Variants in EPHB1 observed in about 807,000 individuals in gnomAD.
The protein encoded by EPHB1 is EPH receptor B1, also known as ephrin type-B receptor 1.
A neutral mutation model predicts 94.4 loss-of-function variants in EPHB1; 30 were observed. That is an observed-to-expected ratio of 0.32 (90% CI 0.24 to 0.43). The LOEUF is 0.43. Among genes scored for constraint, EPHB1 ranks in the 20% least tolerant of loss-of-function variants. EPHB1 has a pLI of 1.00. For synonymous variants in EPHB1, 522 were observed against 489.1 expected (o/e 1.07, Z -0.89); for missense variants, 1,055 against 1,308.3 (o/e 0.81, Z 2.99).
At chr3:134,847,175 GA>G (rs142214906) in intron 1 of EPHB1, among the ~76,000 whole-genome samples, 5 of 149,128 alleles carry the variant, frequency 3.4e-5, no homozygotes, top group African/African-American at 4.9e-5. Flanking sequence ...ACACATCATG[GA>G]AAAAAAAAAC....
At position 135,185,539 on chromosome 3, in the gene EPHB1, A is replaced by G. The variant is rs145107099; in HGVS notation, c.1882+5557A>G. 3.8e-3 allele frequency among the ~76,000 whole-genome samples: 585 copies of G among 152,332 alleles called. 3 individuals carry two copies. Among genetic ancestry groups the G allele is most frequent in the African/African-American group, 0.013 (556 of 41,582 alleles). On this transcript the variant is annotated intron_variant, in intron 10 of 15. Coordinates refer to ENST00000398015, the MANE Select transcript of EPHB1 (RefSeq NM_004441.5). ...CTCTTATTGCTCTGTGAGTTAGAGC[A>G]TATATATCTGTATGCATGTATATTT...
Position 134,925,923 on chromosome 3 carries a change from C to G in EPHB1, c.123+43C>G, listed in dbSNP as rs758794651. 9 of 1,542,232 alleles carry G rather than the reference C, an allele frequency of 5.8e-6. No individual in the cohort carries two copies. The Admixed American group carries it at 1.7e-4, about 29-fold the overall frequency. ...CGTCTTTCAGTCCTGCTATGAGGTC[C>G]TGGATCCATATGATATCTAGGGGAG... On this transcript the variant is annotated intron_variant, in intron 2 of 15. Transcript: ENST00000398015.
chr3:134,893,214 A>G (rs1313670074), intron 1 of EPHB1, among the ~76,000 whole-genome samples: 1 of 152,194 alleles, frequency 6.6e-6, no homozygotes, highest in Non-Finnish European at 1.5e-5. Flanking sequence ...AGCAAATGTA[A>G]GCCTATAAAA....
chr3:135,231,880 A>G (rs114845520), intron 12 of EPHB1, among the ~76,000 whole-genome samples: 295 of 152,242 alleles, frequency 1.9e-3, no homozygotes, highest in Non-Finnish European at 3.4e-3. Context: ...CATTCTCTGT[A>G]TGTTGCATCA....
At chr3:135,131,599 G>C (rs1940420273) in intron 4 of EPHB1, among the ~76,000 whole-genome samples, 1 of 152,202 alleles carries the variant, frequency 6.6e-6, no homozygotes, top group Non-Finnish European at 1.5e-5. Context: ...GCTATGATCT[G>C]TTCTGGTTTT....
intron 4 of EPHB1, among the ~76,000 whole-genome samples, chr3:135,127,373 G>A (rs992847561): frequency 6.6e-6 from 1 of 152,138 alleles, no homozygotes; most frequent in African/African-American, 2.4e-5. Context: ...CTGAATGTGG[G>A]GTTTTCCAGG....
intron 3 of EPHB1, among the ~76,000 whole-genome samples, chr3:135,091,479 G>T (rs533280201): frequency 8.4e-4 from 128 of 152,328 alleles, no homozygotes; most frequent in African/African-American, 2.9e-3. Flanking sequence ...TGAGTGCCGG[G>T]ATTGATTAGC....
chr3:134,955,481 C>G (rs1276117269), intron 3 of EPHB1, among the ~76,000 whole-genome samples: 1 of 98,468 alleles, frequency 1.0e-5, no homozygotes, highest in Non-Finnish European at 2.0e-5. Context: ...TGTATATGTG[C>G]CACATTTTCT....
chr3:135,107,845 CCT>C (rs1230156840), intron 4 of EPHB1, among the ~76,000 whole-genome samples: 2 of 151,914 alleles, frequency 1.3e-5, no homozygotes, highest in African/African-American at 4.8e-5. Flanking sequence ...TTTCTACAGA[CCT>C]CTCTCTCTGT....
At chr3:135,211,736 G>A (rs1053273278) in intron 12 of EPHB1, among the ~76,000 whole-genome samples, 5 of 152,072 alleles carry the variant, frequency 3.3e-5, no homozygotes, top group Admixed American at 6.5e-5. Context: ...TACGCATTGT[G>A]TCATATTTCT....
At chr3:135,233,233 A>G (rs776313772) in intron 12 of EPHB1, among the ~76,000 whole-genome samples, 3 of 152,372 alleles carry the variant, frequency 2.0e-5, no homozygotes, top group African/African-American at 7.2e-5. Flanking sequence ...AAAGCAAATT[A>G]GTTACTTCCT....
chr3:134,923,023 T>C (rs780798043), intron 1 of EPHB1, among the ~76,000 whole-genome samples: 35 of 152,042 alleles, frequency 2.3e-4, no homozygotes, highest in Non-Finnish European at 2.4e-4. Flanking sequence ...GTAAATTTGG[T>C]GTGTCATGAT....
At chr3:134,865,437 C>G (rs1264555194) in intron 1 of EPHB1, among the ~76,000 whole-genome samples, 1 of 152,026 alleles carries the variant, frequency 6.6e-6, no homozygotes, top group Admixed American at 6.5e-5. Flanking sequence ...CAATATCTAT[C>G]AAATTTACAA....
At chr3:135,143,037 G>C (rs1473941438) in intron 5 of EPHB1, among the ~76,000 whole-genome samples, 1 of 152,132 alleles carries the variant, frequency 6.6e-6, no homozygotes, top group Non-Finnish European at 1.5e-5. Context: ...ACTGTCATCA[G>C]GTGAGAGGGC....
At chr3:135,052,822 C>G (rs1937207701) in intron 3 of EPHB1, among the ~76,000 whole-genome samples, 1 of 121,456 alleles carries the variant, frequency 8.2e-6, no homozygotes, top group South Asian at 2.8e-4. Context: ...GATCATGCCA[C>G]TGCACTCCAG....
chr3:135,171,266 A>T (rs1268298773), intron 9 of EPHB1, among the ~76,000 whole-genome samples: 1 of 152,220 alleles, frequency 6.6e-6, no homozygotes, highest in Non-Finnish European at 1.5e-5. Flanking sequence ...ATTTTGAAAA[A>T]AATATTTTAT....
intron 3 of EPHB1, among the ~76,000 whole-genome samples, chr3:134,952,312 A>C (rs929548027): frequency 1.3e-5 from 2 of 152,034 alleles, no homozygotes; most frequent in Non-Finnish European, 2.9e-5. Context: ...TAACCAGTCC[A>C]TAATATTTAG....
intron 3 of EPHB1, among the ~76,000 whole-genome samples, chr3:134,970,913 A>C (rs1351125256): frequency 6.6e-6 from 1 of 152,224 alleles, no homozygotes; most frequent in Non-Finnish European, 1.5e-5. Context: ...TCAGTCTTAA[A>C]TTATTTGTTC....
rs751243691 is a variant in EPHB1, at chr3:135,192,755, A to G, written c.2062A>G (p.Thr688Ala). Residue 688 changes from threonine (T) to alanine (A), a missense_variant, in exon 11 of 16, where the codon ACC becomes GCC. Transcript: ENST00000398015. ...PNIIRLEGVV[T>A]KSRPVMIITE... ...CATCATTCGCCTGGAGGGTGTGGTC[A>G]CCAAGAGTCGGCCTGTCATGATCAT... is the stretch of plus-strand genomic sequence containing the variant. 6.2e-7 allele frequency: 1 copy of G among 1,614,186 alleles called. No individual in the cohort carries two copies. The highest frequency in any genetic ancestry group is 1.1e-5 in the South Asian group (1 of 91,078).
Sources: gnomAD v4.1 joint callset for allele counts (sites outside exome capture counted in the v4.1 genomes callset) on GRCh38, gnomAD v4.1.1 for gene constraint, MANE v1.5 for transcripts, NCBI Gene and HGNC (gene_info 2026-07-23, HGNC 2026-07-21) for gene names.